RFTN1: variants seen among roughly 807,000 people sequenced by gnomAD.
RFTN1 encodes the protein raftlin.
RFTN1 carries 26 observed loss-of-function variants against 46.5 expected under a neutral mutation model. The observed-to-expected ratio is 0.56, with a 90% CI of 0.41 to 0.78. RFTN1 has a LOEUF of 0.78. RFTN1 is among the 30% of genes least tolerant of loss of function. RFTN1 has a pLI of 0.00. For missense variants in RFTN1, 693 were observed against 718.7 expected (o/e 0.96, Z 0.41); for synonymous variants, 261 against 284.2 (o/e 0.92, Z 0.82).
chr3:16,507,502 C>A lies in RFTN1; in HGVS notation c.-9+5940G>T, dbSNP rs1414073991. On this transcript the variant is annotated intron_variant, in intron 1 of 9. Transcript: ENST00000334133. The surrounding 1 kb of genome is among the most constrained non-coding windows in gnomAD (Gnocchi z 7.1). The stretch of plus-strand genomic sequence containing the variant: ...CCAACTTTCTGAGTAAAATCTATTA[C>A]AACAGTTCCCCCAAATCTGAGGAAC... Among the ~76,000 whole-genome samples the A allele has an allele frequency of 6.6e-6, 1 of 152,070 alleles. No homozygotes were observed. The highest frequency in any genetic ancestry group is 2.4e-5 in the African/African-American group (1 of 41,392).
chr3:16,436,232 G>A (rs2075511181), intron 2 of RFTN1, among the ~76,000 whole-genome samples: 2 of 151,434 alleles, frequency 1.3e-5, no homozygotes, highest in South Asian at 4.2e-4. Context: ...TAGTCATTGG[G>A]CTTTTTTTCT....
chr3:16,492,140 C>T (rs75326053), intron 2 of RFTN1, among the ~76,000 whole-genome samples: 10,322 of 152,110 alleles, frequency 0.068, 496 homozygotes, highest in Middle Eastern at 0.13. Context: ...CATGACTGAC[C>T]CATCAAGGGC....
At chr3:16,467,250 G>A (rs1191294215) in intron 2 of RFTN1, among the ~76,000 whole-genome samples, 4 of 152,176 alleles carry the variant, frequency 2.6e-5, no homozygotes, top group Admixed American at 1.3e-4. Flanking sequence ...TTGGAAATGA[G>A]GGAAGGCAGG....
At chr3:16,392,736 A>C (rs1224367393) in intron 4 of RFTN1, among the ~76,000 whole-genome samples, 1 of 152,058 alleles carries the variant, frequency 6.6e-6, no homozygotes, top group African/African-American at 2.4e-5. Context: ...ATAACAGCAA[A>C]TTCCATATTT....
At chr3:16,434,406 ACC>A (rs369279056) in intron 2 of RFTN1, among the ~76,000 whole-genome samples, 20,629 of 149,634 alleles carry the variant, frequency 0.14, 1,605 homozygotes, top group East Asian at 0.22. Context: ...AAACAAAAAA[ACC>A]CCCTCAAAAT....
rs1224197293 is a variant in RFTN1, at chr3:16,489,837, G to A, written c.145+3888C>T. Among the ~76,000 whole-genome samples, 1 of 152,186 alleles carries A rather than the reference G, an allele frequency of 6.6e-6. No individual in the cohort carries two copies. Among genetic ancestry groups the A allele is most frequent in the Non-Finnish European group, 1.5e-5 (1 of 68,034 alleles). On this transcript the variant is annotated intron_variant, in intron 2 of 9. Transcript: ENST00000334133. The surrounding 1 kb of genome is among the most constrained non-coding windows in gnomAD (Gnocchi z 4.0). ...GCATAAGAATCACTTGAACCTGGGA[G>A]GCAGAGGTTGCAGTGAGCTGAGATC... is the stretch of plus-strand genomic sequence containing the variant.
chr3:16,319,275 G>C (rs762933248), intron 9 of RFTN1, among the ~76,000 whole-genome samples: 1 of 152,194 alleles, frequency 6.6e-6, no homozygotes, highest in Non-Finnish European at 1.5e-5. Flanking sequence ...GAAGTCAGAG[G>C]AAGTTTTACT....
At position 16,337,001 on chromosome 3, in the gene RFTN1, T is replaced by A. The variant is rs1416249498; in HGVS notation, c.1147-10125A>T. On this transcript the variant is annotated intron_variant, in intron 7 of 9. Transcript: ENST00000334133. The surrounding 1 kb of genome is among the most constrained non-coding windows in gnomAD (Gnocchi z 5.0). ...AGAGTCCCTCTGGTCACCCCTTGAA[T>A]CTTGGCTGGTCTTGGGACTTGCTCT... The A allele has an allele frequency of 1.3e-5, 2 of 152,202 alleles. No individual in the cohort carries two copies. Among genetic ancestry groups the A allele is most frequent in the Non-Finnish European group, 2.9e-5 (2 of 68,068 alleles). The allele number at this position is 152,202 out of a possible 1,614,324, so 9.4% of individuals were successfully genotyped here. A position where few individuals can be genotyped will look rare whatever the true frequency, so the allele number is the denominator to read the frequency against.
intron 7 of RFTN1, among the ~76,000 whole-genome samples, chr3:16,343,533 G>GTC (rs1223156784): frequency 6.6e-6 from 1 of 152,170 alleles, no homozygotes; most frequent in East Asian, 1.9e-4. Context: ...GTACCCTAGA[G>GTC]TCTGCTGATG....
At chr3:16,491,947 C>A (rs2076544966) in intron 2 of RFTN1, among the ~76,000 whole-genome samples, 1 of 152,106 alleles carries the variant, frequency 6.6e-6, no homozygotes, top group African/African-American at 2.4e-5. Context: ...CTTAAAAATT[C>A]ACTGAACAAA....
In RFTN1 at chr3:16,512,113, C is replaced by T. The variant is rs539831111; in HGVS notation, c.-9+1329G>A. On this transcript the variant is annotated intron_variant, in intron 1 of 9. Coordinates refer to ENST00000334133, the MANE Select transcript of RFTN1 (RefSeq NM_015150.2). The surrounding 1 kb of genome is among the most constrained non-coding windows in gnomAD (Gnocchi z 4.3). ...CCAAACAGCTTGCTTCGTAACCCCTCTCTGGGGTTTGGTGACATCTGGGGT... is the reference window on the plus strand; with the variant it reads ...CCAAACAGCTTGCTTCGTAACCCCTTTCTGGGGTTTGGTGACATCTGGGGT... Among the ~76,000 whole-genome samples the T allele has an allele frequency of 1.3e-4, 20 of 152,252 alleles. No individual in the cohort carries two copies. In the South Asian group the frequency reaches 2.7e-3, roughly 21 times the overall value.
intron 2 of RFTN1, among the ~76,000 whole-genome samples, chr3:16,438,400 C>T (rs1362873583): frequency 1.3e-5 from 2 of 151,780 alleles, no homozygotes; most frequent in East Asian, 3.9e-4. Flanking sequence ...GCCTGGCCAA[C>T]ATGGTGAAAC....
intron 2 of RFTN1, among the ~76,000 whole-genome samples, chr3:16,482,311 C>T (rs1344951260): frequency 6.6e-6 from 1 of 152,210 alleles, no homozygotes; most frequent in African/African-American, 2.4e-5. Context: ...TAAAGTATAT[C>T]AAGCTGCATT....
At chr3:16,331,744 T>C (rs1256044567) in intron 7 of RFTN1, among the ~76,000 whole-genome samples, 2 of 152,244 alleles carry the variant, frequency 1.3e-5, no homozygotes, top group African/African-American at 4.8e-5. Context: ...AATTACTGTC[T>C]ATGGCTGGTA....
chr3:16,502,693 C>T (rs2076732471), intron 1 of RFTN1, among the ~76,000 whole-genome samples: 1 of 152,230 alleles, frequency 6.6e-6, no homozygotes, highest in South Asian at 2.1e-4. Flanking sequence ...GGCAACGAGG[C>T]CTCCTGCCAA....
chr3:16,354,951 A>G lies in RFTN1; in HGVS notation c.1146+2981T>C, dbSNP rs2072337982. On this transcript the variant is annotated intron_variant, in intron 7 of 9. Transcript: ENST00000334133. Reference sequence around the variant, plus strand: ...TAGCCAAGTTCTTTGCCACTTTATAATAAGGATGGCCTTTCCTCCAGTTTC... The same window carrying G: ...TAGCCAAGTTCTTTGCCACTTTATAGTAAGGATGGCCTTTCCTCCAGTTTC... Among the ~76,000 whole-genome samples the G allele has an allele frequency of 2.0e-5, 3 of 152,332 alleles. No individual in the cohort carries two copies. The South Asian group carries it at 6.2e-4, about 32-fold the overall frequency.
intron 3 of RFTN1, among the ~76,000 whole-genome samples, chr3:16,414,064 T>C (rs891584129): frequency 6.6e-6 from 1 of 152,272 alleles, no homozygotes; most frequent in East Asian, 1.9e-4. Flanking sequence ...TCATCTATAA[T>C]TGTGTTCTTA....
In RFTN1 at chr3:16,448,707, T is replaced by A. The variant is rs2075775140; in HGVS notation, c.146-14670A>T. 6.6e-6 allele frequency among the ~76,000 whole-genome samples: 1 copy of A among 152,188 alleles called. No individual in the cohort carries two copies. Among genetic ancestry groups the A allele is most frequent in the Non-Finnish European group, 1.5e-5 (1 of 68,030 alleles). On this transcript the variant is annotated intron_variant, in intron 2 of 9. Transcript: ENST00000334133. The surrounding 1 kb of genome is among the most constrained non-coding windows in gnomAD (Gnocchi z 4.1). ...ACACAATCACACTGCTTCTAAAATG[T>A]TTACCTCTCAGGAGCCACTGCGTTC...
At chr3:16,456,423 A>C (rs1335308917) in intron 2 of RFTN1, among the ~76,000 whole-genome samples, 1 of 152,210 alleles carries the variant, frequency 6.6e-6, no homozygotes, top group Non-Finnish European at 1.5e-5. Context: ...CTCAAGGAGA[A>C]TGGTTTATCT....
Sources: allele counts gnomAD v4.1 joint callset (sites outside exome capture counted in the v4.1 genomes callset), GRCh38; gene constraint gnomAD v4.1.1; non-coding constraint Gnocchi (gnomAD v3.1); transcripts MANE v1.5; gene names NCBI Gene and HGNC (gene_info 2026-07-23, HGNC 2026-07-21).